UNC79: variants seen among roughly 807,000 people sequenced by gnomAD.
UNC79 encodes protein unc-79 homolog.
Under a neutral mutation model 283.1 loss-of-function variants are expected in UNC79, and 37 were observed. That is an observed-to-expected ratio of 0.13 (90% CI 0.10 to 0.17). The LOEUF is 0.17. Ranked by LOEUF, UNC79 falls within the 10% of genes least tolerant of loss-of-function variation. The probability of loss-of-function intolerance (pLI) is 1.00; values close to 1 mark genes in which losing one functional copy is unlikely to be tolerated. For synonymous variants in UNC79, 1,107 were observed against 1,200.2 expected, an observed-to-expected ratio of 0.92 and a Z score of 1.61; for missense variants, 2,272 against 3,211.1, an observed-to-expected ratio of 0.71 and a Z score of 7.07.
intron 5 of UNC79, among the ~76,000 whole-genome samples, chr14:93,490,392 A>G (rs1011738699): frequency 1.3e-5 from 2 of 152,176 alleles, no homozygotes; most frequent in African/African-American, 4.8e-5. Flanking sequence ...TTGATTAACA[A>G]TTCTGTCTTT....
chr14:93,529,293 A>C, exon 10 of UNC79: 1 of 1,613,728 alleles, frequency 6.2e-7, no homozygotes. Context: ...TAGGGACCAC[A>C]GTGAGTGGCT....
chr14:93,393,748 C>A (rs1469426504), intron 1 of UNC79, among the ~76,000 whole-genome samples: 1 of 152,104 alleles, frequency 6.6e-6, no homozygotes, highest in African/African-American at 2.4e-5. Flanking sequence ...TTCAAGTATT[C>A]TTTTCCTTCT....
At chr14:93,603,151 C>T in intron 25 of UNC79, 88 bp from the exon 26 acceptor site, 4 of 1,443,606 alleles carry the variant, frequency 2.8e-6, no homozygotes, top group Middle Eastern at 1.8e-4. Context: ...AATATTGAAA[C>T]TCTACACAGA....
At chr14:93,473,996 G>A (rs1472559229) in intron 2 of UNC79, 93 bp from the exon 3 acceptor site, 2 of 1,385,702 alleles carry the variant, frequency 1.4e-6, no homozygotes, top group Non-Finnish European at 1.9e-6. Context: ...AATGTATCTG[G>A]TGTTTTATTA....
At chr14:93,396,811 T>TGTGTTGC in intron 1 of UNC79, among the ~76,000 whole-genome samples, 1 of 63,400 alleles carries the variant, frequency 1.6e-5, no homozygotes, top group African/African-American at 5.2e-5. Context: ...GTGTGTGTTG[T>TGTGTTGC]GGCATGCTTT....
chr14:93,334,495 G>C (rs2053531893), intron 1 of UNC79: 1 of 152,190 alleles, frequency 6.6e-6, no homozygotes, highest in African/African-American at 2.4e-5. Context: ...AAAAGAAATA[G>C]GTCCATCTAA....
intron 7 of UNC79, among the ~76,000 whole-genome samples, chr14:93,521,722 A>C (rs911391876): frequency 1.3e-5 from 2 of 150,596 alleles, no homozygotes; most frequent in Non-Finnish European, 3.0e-5. Context: ...TTTCTATCAT[A>C]GTTGAAAGAG....
intron 29 of UNC79, among the ~76,000 whole-genome samples, 174 bp from the exon 31 acceptor site, chr14:93,620,718 A>C (rs1031415468): frequency 6.6e-6 from 1 of 152,218 alleles, no homozygotes; most frequent in Non-Finnish European, 1.5e-5. Flanking sequence ...TGCTCTGTCC[A>C]ATAGATGGAG....
At chr14:93,632,321 A>G (rs1481238292) in intron 31 of UNC79, among the ~76,000 whole-genome samples, 2 of 152,240 alleles carry the variant, frequency 1.3e-5, no homozygotes, top group Non-Finnish European at 2.9e-5. Flanking sequence ...AATCTGTTAG[A>G]TCACATGATA....
At chr14:93,562,996 T>G (rs1286672379) in intron 14 of UNC79, among the ~76,000 whole-genome samples, 1 of 152,140 alleles carries the variant, frequency 6.6e-6, no homozygotes, top group Non-Finnish European at 1.5e-5. Flanking sequence ...TGAGGATAGA[T>G]TTCCACTATG....
chr14:93,548,200 G>A (rs1243594676), intron 14 of UNC79, among the ~76,000 whole-genome samples: 1 of 152,160 alleles, frequency 6.6e-6, no homozygotes, highest in Non-Finnish European at 1.5e-5. Flanking sequence ...TTTAGTGTCT[G>A]GTGAGGGCCT....
At chr14:93,357,835 G>GTATATATATGGATATATGGA (rs1200034046) in intron 1 of UNC79, among the ~76,000 whole-genome samples, 5 of 17,268 alleles carry the variant, frequency 2.9e-4, no homozygotes, top group Middle Eastern at 0.038. Context: ...ATATGGATAT[G>GTATATATATGGATATATGGA]TATATATATG....
intron 7 of UNC79, among the ~76,000 whole-genome samples, chr14:93,499,489 A>G (rs1395281553): frequency 2.0e-5 from 3 of 152,196 alleles, no homozygotes; most frequent in African/African-American, 7.2e-5. Flanking sequence ...ACAGGAACCA[A>G]CACAAAACCA....
At chr14:93,672,699 C>G (rs577514675) in intron 40 of UNC79, among the ~76,000 whole-genome samples, 1 of 152,256 alleles carries the variant, frequency 6.6e-6, no homozygotes, top group South Asian at 2.1e-4. Flanking sequence ...GATAAATACT[C>G]AAGATGATGA....
intron 31 of UNC79, among the ~76,000 whole-genome samples, chr14:93,635,939 C>A (rs971758308): frequency 6.6e-6 from 1 of 152,186 alleles, no homozygotes; most frequent in African/African-American, 2.4e-5. Flanking sequence ...ATGTAAGGAA[C>A]TGAGAATGGC....
chr14:93,442,900 C>T (rs1005547220), intron 1 of UNC79, among the ~76,000 whole-genome samples: 1 of 152,062 alleles, frequency 6.6e-6, no homozygotes, highest in South Asian at 2.1e-4. Context: ...ACCAGCCTGG[C>T]CAACATGGCA....
At chr14:93,360,052 A>G (rs1338194213) in intron 1 of UNC79, among the ~76,000 whole-genome samples, 1 of 152,190 alleles carries the variant, frequency 6.6e-6, no homozygotes, top group Non-Finnish European at 1.5e-5. Context: ...GAGGTAAGGT[A>G]ATTAATGGAG....
intron 7 of UNC79, among the ~76,000 whole-genome samples, chr14:93,521,898 C>G (rs1374915648): frequency 6.6e-6 from 1 of 150,876 alleles, no homozygotes; most frequent in Non-Finnish European, 1.5e-5. Context: ...TATCCTCAAA[C>G]ATTTTGATTC....
At chr14:93,668,549 C>CA (rs994308239) in intron 40 of UNC79, among the ~76,000 whole-genome samples, 28 of 121,124 alleles carry the variant, frequency 2.3e-4, no homozygotes, top group African/African-American at 9.2e-4. Context: ...CATCTCTATA[C>CA]AAAAAAAAAA....
Sources: allele counts gnomAD v4.1 joint callset (sites outside exome capture counted in the v4.1 genomes callset), GRCh38; gene constraint gnomAD v4.1.1; transcripts MANE v1.5; gene names NCBI Gene and HGNC (gene_info 2026-07-23, HGNC 2026-07-21).